The following ACSM5 variants were observed in gnomAD, a reference collection of about 807,000 sequenced individuals.
ACSM5 encodes the protein acyl-coenzyme A synthetase ACSM5, mitochondrial.
ACSM5 carries 56 observed loss-of-function variants against 71.6 expected under a neutral mutation model. That is an observed-to-expected ratio of 0.78 (90% CI 0.63 to 0.98). ACSM5 has a LOEUF of 0.98. ACSM5 is among the 50% of genes least tolerant of loss of function. The pLI, the probability that ACSM5 is intolerant of heterozygous loss-of-function variation, is 0.00. For synonymous variants in ACSM5, 285 were observed against 281.5 expected, an observed-to-expected ratio of 1.01 and a Z score of -0.12; for missense variants, 723 against 726.0, an observed-to-expected ratio of 1.00 and a Z score of 0.05.
chr16:20,439,622 C>T (rs1967274087), intron 12 of ACSM5, among the ~76,000 whole-genome samples, 178 bp from the exon 13 acceptor site: 1 of 151,198 alleles, frequency 6.6e-6, no homozygotes, highest in African/African-American at 2.4e-5. Flanking sequence ...ATAGTCACAC[C>T]TGGAAGGGCC....
At chr16:20,411,750 A>G (rs1429137539) in intron 2 of ACSM5, 62 bp downstream of exon 2, 10 of 1,537,296 alleles carry the variant, frequency 6.5e-6, no homozygotes, top group Admixed American at 3.4e-5. Flanking sequence ...ATGTACCACA[A>G]TGAGACTCAA....
chr16:20,426,819 T>C (rs1966989375), intron 6 of ACSM5, among the ~76,000 whole-genome samples: 1 of 152,130 alleles, frequency 6.6e-6, no homozygotes, highest in Non-Finnish European at 1.5e-5. Flanking sequence ...TAAAAATAGT[T>C]CTGGAGGTGG....
chr16:20,434,487 A>C (rs1298366896), intron 10 of ACSM5, among the ~76,000 whole-genome samples: 1 of 152,162 alleles, frequency 6.6e-6, no homozygotes, highest in Non-Finnish European at 1.5e-5. Flanking sequence ...TGAGGTCAGG[A>C]GTTCGAGACC....
chr16:20,429,666 T>C lies in ACSM5; in HGVS notation c.1002-12T>C. ...CCTGACATAGGTGGCCTTGTTTTCCTGTCTGAGAAAGGTACCAGTTTCAGA... is the reference window on the plus strand; with the variant it reads ...CCTGACATAGGTGGCCTTGTTTTCCCGTCTGAGAAAGGTACCAGTTTCAGA... On this transcript the variant is annotated splice_polypyrimidine_tract_variant and intron_variant, in intron 7 of 13. Transcript: ENST00000331849. 6.2e-7 allele frequency: 1 copy of C among 1,613,854 alleles called. No individual in the cohort carries two copies. Among genetic ancestry groups the C allele is most frequent in the South Asian group, 1.1e-5 (1 of 91,058 alleles).
chr16:20,425,177 T>A (rs1596617618), intron 6 of ACSM5, among the ~76,000 whole-genome samples: 1 of 152,222 alleles, frequency 6.6e-6, no homozygotes, highest in South Asian at 2.1e-4. Flanking sequence ...TAATCATCCT[T>A]CTAATCTCTA....
At chr16:20,435,354 T>C (rs954863223) in intron 10 of ACSM5, among the ~76,000 whole-genome samples, 2 of 152,212 alleles carry the variant, frequency 1.3e-5, no homozygotes, top group Admixed American at 6.5e-5. Flanking sequence ...TCTTTCACTT[T>C]ATTTATATCT....
chr16:20,431,147 G>A (rs1596621523), intron 9 of ACSM5, 73 bp from the exon 10 acceptor site: 1 of 1,589,180 alleles, frequency 6.3e-7, no homozygotes, highest in East Asian at 2.2e-5. Flanking sequence ...GTTGGCACGG[G>A]CTGCTGGGCT....
At position 20,436,112 on chromosome 16, in the gene ACSM5, TTC is replaced by T. The variant is rs778362128; in HGVS notation, c.1309-936_1309-935del. On this transcript the variant is annotated intron_variant, in intron 10 of 13. Transcript: ENST00000331849. ...TCCTTTTCTCTTTCTTTCTTTCTTT[TTC>T]TCTTTCTTTCCTTCCTTCCTTTCTT... Among the ~76,000 whole-genome samples the T allele has an allele frequency of 6.5e-4, 92 of 141,514 alleles. 1 individual carries two copies. The highest frequency in any genetic ancestry group is 8.5e-4 in the Non-Finnish European group (56 of 66,102). 92.8% of individuals were successfully genotyped at this position (141,514 alleles called of 152,430 possible).
intron 5 of ACSM5, among the ~76,000 whole-genome samples, chr16:20,423,048 C>T (rs1227060167): frequency 4.6e-5 from 7 of 152,130 alleles, no homozygotes; most frequent in Non-Finnish European, 1.5e-5. Context: ...ATACACATGT[C>T]TGAAGTTAAT....
chr16:20,438,052 C>T (rs61353686), intron 12 of ACSM5, among the ~76,000 whole-genome samples: 41,993 of 151,312 alleles, frequency 0.28, 6,872 homozygotes, highest in East Asian at 0.58. Context: ...AGGTCTTAAA[C>T]TCCTGACCTT....
chr16:20,418,752 C>T (rs935574859), intron 3 of ACSM5, among the ~76,000 whole-genome samples: 3 of 152,098 alleles, frequency 2.0e-5, no homozygotes, highest in Non-Finnish European at 4.4e-5. Flanking sequence ...GAATTTTACC[C>T]GAACGATGCA....
rs757889570 is a variant in ACSM5, at chr16:20,431,186, C to G, written c.1207-34C>G. The stretch of plus-strand genomic sequence containing the variant: ...GGGAGAGGCCCAGGGTGTAGACACT[C>G]ACGTATGCACCTCTGTGATGATTTC... On this transcript the variant is annotated intron_variant, in intron 9 of 13. Transcript: ENST00000331849. 25 of 1,598,548 alleles carry G rather than the reference C, an allele frequency of 1.6e-5. 1 individual carries two copies. The Admixed American group carries it at 3.0e-4, about 19-fold the overall frequency.
chr16:20,434,402 G>A (rs1464581004), intron 10 of ACSM5, among the ~76,000 whole-genome samples: 4 of 152,100 alleles, frequency 2.6e-5, no homozygotes, highest in African/African-American at 9.7e-5. Context: ...AGATATAAAA[G>A]TTTAATATAG....
intron 13 of ACSM5, among the ~76,000 whole-genome samples, 189 bp downstream of exon 13, chr16:20,440,108 A>G (rs79385461): frequency 0.36 from 54,031 of 150,376 alleles, 11,076 homozygotes; most frequent in East Asian, 0.76. Flanking sequence ...TTTTGTTCCT[A>G]CTCTAAGAAC....
At position 20,421,338 on chromosome 16, in the gene ACSM5, G is replaced by A; in HGVS notation, c.704G>A (p.Gly235Glu). 1 of 1,609,846 alleles carries A rather than the reference G, an allele frequency of 6.2e-7. No homozygotes were observed. Among genetic ancestry groups the A allele is most frequent in the Non-Finnish European group, 8.5e-7 (1 of 1,177,918 alleles). Residue 235 changes from glycine (G) to glutamate (E), a missense_variant, in exon 5 of 14, where the codon GGG (glycine) becomes GAG (glutamate). Physicochemically the swap from Gly to Glu is moderately conservative, Grantham distance 98. Coordinates refer to ENST00000331849, the MANE Select transcript of ACSM5 (RefSeq NM_017888.3). ...LAIYFTSGTTGAPKMVEHSQS... is the reference protein window; with the variant it reads ...LAIYFTSGTTEAPKMVEHSQS... ...ATCTACTTTACCAGCGGAACCACCG[G>A]GGCCCCCAAGATGGTCGAGCACTCC...
rs139646135 is a variant in ACSM5, at chr16:20,419,275, A to G, written c.463A>G (p.Lys155Glu). 25 of 1,614,006 alleles carry G rather than the reference A, an allele frequency of 1.5e-5. No homozygotes were observed. In the East Asian group the frequency reaches 1.6e-4, roughly 10 times the overall value. Residue 155 changes from lysine (K) to glutamate (E), a missense_variant, in exon 4 of 14, where the codon AAG (lysine) becomes GAG (glutamate). By Grantham distance (56) the Lys-to-Glu change is moderately conservative. Coordinates refer to ENST00000331849, the MANE Select transcript of ACSM5 (RefSeq NM_017888.3). The stretch of plus-strand genomic sequence containing the variant: ...GACTCAGCTGACAGAGAAGGACCTC[A>G]AGTACCGGCTGCAGGCGTCCAGGGC... ...GVTQLTEKDL[K>E]YRLQASRAKS...
intron 2 of ACSM5, among the ~76,000 whole-genome samples, chr16:20,417,471 T>C (rs1482617965): frequency 6.6e-6 from 1 of 152,210 alleles, no homozygotes; most frequent in Admixed American, 6.5e-5. Context: ...TATCATATGA[T>C]TCCATTCATA....
At chr16:20,429,539 G>A (rs1967052395) in intron 7 of ACSM5, 139 bp from the exon 8 acceptor site, 1 of 1,050,862 alleles carries the variant, frequency 9.5e-7, no homozygotes, top group South Asian at 1.3e-5. Flanking sequence ...GCCAGTGGGT[G>A]GACTCACTTA....
intron 10 of ACSM5, among the ~76,000 whole-genome samples, chr16:20,434,451 T>A (rs1967156214): frequency 6.6e-6 from 1 of 152,166 alleles, no homozygotes; most frequent in African/African-American, 2.4e-5. Context: ...CCTAGCACTT[T>A]GGGAGGCCAA....
Sources: allele counts gnomAD v4.1 joint callset (sites outside exome capture counted in the v4.1 genomes callset), GRCh38; gene constraint gnomAD v4.1.1; transcripts MANE v1.5; gene names NCBI Gene and HGNC (gene_info 2026-07-23, HGNC 2026-07-21).